The following RAB3GAP2 variants were observed in gnomAD, a reference collection of about 807,000 sequenced individuals.
The protein encoded by RAB3GAP2 is RAB3 GTPase activating non-catalytic protein subunit 2, also known as rab3 GTPase-activating protein non-catalytic subunit.
Under a neutral mutation model 185.3 loss-of-function variants are expected in RAB3GAP2, and 87 were observed. That is an observed-to-expected ratio of 0.47 (90% CI 0.39 to 0.56). The LOEUF (loss-of-function observed/expected upper bound fraction) is 0.56, where lower values mean the gene tolerates loss of function less well. Ranked by LOEUF, RAB3GAP2 falls within the 20% of genes least tolerant of loss-of-function variation. The pLI, the probability that RAB3GAP2 is intolerant of heterozygous loss-of-function variation, is 0.00. For missense variants in RAB3GAP2, 1,492 were observed against 1,638.2 expected, an observed-to-expected ratio of 0.91 and a Z score of 1.54; for synonymous variants, 554 against 576.1, an observed-to-expected ratio of 0.96 and a Z score of 0.55.
chr1:220,168,311 C>T (rs1455196038), intron 24 of RAB3GAP2, among the ~76,000 whole-genome samples: 1 of 151,968 alleles, frequency 6.6e-6, no homozygotes, highest in Non-Finnish European at 1.5e-5. Flanking sequence ...AGGCTGGTCT[C>T]GAACTCCTGA....
intron 31 of RAB3GAP2, 22 bp downstream of exon 31, chr1:220,157,248 T>C: frequency 9.4e-6 from 15 of 1,597,648 alleles, no homozygotes; most frequent in Non-Finnish European, 1.3e-5. Flanking sequence ...AAAATAGCTC[T>C]GAAATCCTGT....
Position 220,225,070 on chromosome 1 carries a change from C to A in RAB3GAP2, c.180+7729G>T, listed in dbSNP as rs183359849. 2.0e-5 allele frequency among the ~76,000 whole-genome samples: 3 copies of A among 152,168 alleles called. No homozygotes were observed. In the South Asian group the frequency reaches 6.2e-4, roughly 32 times the overall value. On this transcript the variant is annotated intron_variant, in intron 2 of 34. Transcript: ENST00000358951. ...CTACTCTGCAGGAATGCCTAAGGAG[C>A]GCAGATTTGAACTAAAATTAACAGT...
intron 2 of RAB3GAP2, among the ~76,000 whole-genome samples, chr1:220,214,946 T>TTTTATATATATATA (rs1491243072): frequency 1.1e-5 from 1 of 89,620 alleles, no homozygotes; most frequent in Admixed American, 1.2e-4. Flanking sequence ...AATAGTAGCA[T>TTTTATATATATATA]TATATATATA....
At chr1:220,200,731 T>C in intron 9 of RAB3GAP2, 2 of 473,970 alleles carry the variant, frequency 4.2e-6, no homozygotes, top group Non-Finnish European at 8.7e-6. Flanking sequence ...TGTTTACCAA[T>C]AGGTTTTTAT....
intron 2 of RAB3GAP2, chr1:220,220,413 C>T (rs1468185966): frequency 6.6e-6 from 1 of 152,414 alleles, no homozygotes; most frequent in Non-Finnish European, 1.5e-5. Flanking sequence ...GACCGCTGAC[C>T]CTGATAAGTA....
At chr1:220,267,169 T>C in intron 1 of RAB3GAP2, 1 of 1,091,708 alleles carries the variant, frequency 9.2e-7, no homozygotes, top group Non-Finnish European at 1.4e-6. Flanking sequence ...AATAACTGTT[T>C]TTGAATGACA....
rs770067001 is a variant in RAB3GAP2, at chr1:220,151,707, C to G, written c.3925G>C (p.Gly1309Arg). 7 of 1,611,876 alleles carry G rather than the reference C, an allele frequency of 4.3e-6. No individual in the cohort carries two copies. The South Asian group carries it at 6.6e-5, about 15-fold the overall frequency. The change falls in exon 34 of 35, where the codon GGG becomes CGG. Residue 1309 changes from glycine to arginine, a missense_variant. By Grantham distance (125) the Gly-to-Arg change is moderately radical. Around this residue, in one of 5 missense-constraint regions of RAB3GAP2, gnomAD observed 387 missense variants for 455.3 expected, o/e 0.85. Coordinates refer to ENST00000358951, the MANE Select transcript of RAB3GAP2 (RefSeq NM_012414.4). ...VLASQLLVLT[G>R]QRLAHALLHT... Reference sequence around the variant, plus strand: ...AGAAGCGCATGAGCCAGCCTTTGCCCCGTGAGCACCAGCAGCTGAGAGGCA... The same window carrying G: ...AGAAGCGCATGAGCCAGCCTTTGCCGCGTGAGCACCAGCAGCTGAGAGGCA...
At chr1:220,157,924 T>C (rs781407198) in intron 29 of RAB3GAP2, 48 bp from the exon 30 acceptor site, 2 of 1,431,790 alleles carry the variant, frequency 1.4e-6, no homozygotes, top group Non-Finnish European at 9.8e-7. Flanking sequence ...AAAACTGCTA[T>C]AGTTACTGTC....
At chr1:220,195,252 C>CTAGA in intron 11 of RAB3GAP2, 46 bp downstream of exon 11, 1 of 1,592,882 alleles carries the variant, frequency 6.3e-7, no homozygotes, top group Non-Finnish European at 8.6e-7. Context: ...TAAAAGCAAG[C>CTAGA]TAGATACAAA....
intron 21 of RAB3GAP2, among the ~76,000 whole-genome samples, chr1:220,176,016 T>C (rs1475940966): frequency 6.6e-6 from 1 of 152,058 alleles, no homozygotes; most frequent in Non-Finnish European, 1.5e-5. Context: ...ATATTTTAAA[T>C]TGCAGGAAAC....
At chr1:220,183,152 A>G (rs1658444155) in intron 19 of RAB3GAP2, among the ~76,000 whole-genome samples, 2 of 152,220 alleles carry the variant, frequency 1.3e-5, no homozygotes, top group South Asian at 4.1e-4. Flanking sequence ...GTACCAAACC[A>G]AACATGGTAC....
At position 220,239,419 on chromosome 1, in the gene RAB3GAP2, C is replaced by T. The variant is rs370745621; in HGVS notation, c.116-6556G>A. Among the ~76,000 whole-genome samples the T allele has an allele frequency of 2.0e-4, 31 of 152,144 alleles. 1 individual carries two copies. In the East Asian group the frequency reaches 5.4e-3, roughly 27 times the overall value. On this transcript the variant is annotated intron_variant, in intron 1 of 34. Coordinates refer to ENST00000358951, the MANE Select transcript of RAB3GAP2 (RefSeq NM_012414.4). ...CAAATTTTTGTATTTTTTGCAGAGT[C>T]GGGGTTTCACCATGTTGACCAGGTT... is the stretch of plus-strand genomic sequence containing the variant.
intron 31 of RAB3GAP2, 194 bp from the exon 32 acceptor site, chr1:220,154,251 C>T (rs1359654231): frequency 2.7e-6 from 2 of 729,914 alleles, no homozygotes; most frequent in Non-Finnish European, 4.1e-6. Context: ...CCAGTGATCC[C>T]CTCCTCCTGG....
At chr1:220,168,606 A>T (rs1012711176) in intron 24 of RAB3GAP2, among the ~76,000 whole-genome samples, 1 of 152,052 alleles carries the variant, frequency 6.6e-6, no homozygotes, top group African/African-American at 2.4e-5. Context: ...CATGTTAGTC[A>T]GGCTGGTCGC....
chr1:220,249,049 A>G (rs1036146179), intron 1 of RAB3GAP2, among the ~76,000 whole-genome samples: 1 of 152,206 alleles, frequency 6.6e-6, no homozygotes, highest in Admixed American at 6.5e-5. Flanking sequence ...ACAAACTAAT[A>G]CAGTAAATTG....
At chr1:220,208,284 A>T (rs1379988355) in intron 7 of RAB3GAP2, 1 of 152,194 alleles carries the variant, frequency 6.6e-6, no homozygotes, top group African/African-American at 2.4e-5. Context: ...CAGTTCACAG[A>T]TTATCTTCTT....
At chr1:220,175,921 T>C (rs974433334) in intron 21 of RAB3GAP2, among the ~76,000 whole-genome samples, 1 of 152,206 alleles carries the variant, frequency 6.6e-6, no homozygotes, top group Admixed American at 6.5e-5. Flanking sequence ...TGTTTGTATA[T>C]AGGAGATCAG....
At chr1:220,215,202 G>A (rs1051461548) in intron 2 of RAB3GAP2, among the ~76,000 whole-genome samples, 1 of 151,816 alleles carries the variant, frequency 6.6e-6, no homozygotes, top group African/African-American at 2.4e-5. Context: ...CAGTTTGTGT[G>A]GAAGTGTATC....
intron 1 of RAB3GAP2, chr1:220,267,224 T>C (rs1360970657): frequency 1.1e-6 from 1 of 909,196 alleles, no homozygotes; most frequent in Non-Finnish European, 1.9e-6. Context: ...GTAGCAGTTC[T>C]CTGCTCATCA....
Sources: allele counts gnomAD v4.1 joint callset (sites outside exome capture counted in the v4.1 genomes callset), GRCh38; gene constraint gnomAD v4.1.1; regional missense constraint gnomAD v4.1.1; transcripts MANE v1.5; gene names NCBI Gene and HGNC (gene_info 2026-07-23, HGNC 2026-07-21).